LAMC2: variants seen among roughly 807,000 people sequenced by gnomAD.
The protein encoded by LAMC2 is laminin subunit gamma-2.
Under a neutral mutation model 140.2 loss-of-function variants are expected in LAMC2, and 97 were observed. The observed-to-expected ratio is 0.69, with a 90% CI of 0.59 to 0.82. The LOEUF (loss-of-function observed/expected upper bound fraction) is 0.82. Among genes scored for constraint, LAMC2 ranks in the 40% least tolerant of loss-of-function variants. The pLI, the probability that LAMC2 is intolerant of heterozygous loss-of-function variation, is 0.00. For synonymous variants in LAMC2, 513 were observed against 540.2 expected, an observed-to-expected ratio of 0.95 and a Z score of 0.70; for missense variants, 1,402 against 1,476.1, an observed-to-expected ratio of 0.95 and a Z score of 0.82.
Position 183,232,402 on chromosome 1 carries a change from C to T in LAMC2, c.2014+59C>T. Reference sequence around the variant, plus strand: ...GAATTCATAGTCCTAGAAGGAATGGCTACGTTAGGTCATAGAATCTTCTAT... The same window carrying T: ...GAATTCATAGTCCTAGAAGGAATGGTTACGTTAGGTCATAGAATCTTCTAT... On this transcript the variant is annotated intron_variant, in intron 13 of 22. Transcript: ENST00000264144. 2.5e-6 allele frequency: 4 copies of T among 1,575,128 alleles called. No homozygotes were observed. The South Asian group carries it at 3.4e-5, about 13-fold the overall frequency.
intron 13 of LAMC2, 29 bp downstream of exon 13, chr1:183,232,372 G>A (rs1231447166): frequency 6.2e-7 from 1 of 1,612,972 alleles, no homozygotes; most frequent in South Asian, 1.1e-5. Context: ...CCTTCAGACA[G>A]AAGAGAATTC....
chr1:183,246,451 T>C (rs912477611), downstream of LAMC2, among the ~76,000 whole-genome samples: 1 of 152,242 alleles, frequency 6.6e-6, no homozygotes, highest in Non-Finnish European at 1.5e-5. Flanking sequence ...TAGTGAAAGC[T>C]TTCTTGCACT....
chr1:183,206,349 T>C (rs1040635477), intron 1 of LAMC2, among the ~76,000 whole-genome samples: 1 of 152,170 alleles, frequency 6.6e-6, no homozygotes, highest in Admixed American at 6.5e-5. Context: ...GTCCATTAGA[T>C]GTACGTGGTC....
downstream of LAMC2, chr1:183,248,601 C>T (rs199940021): frequency 3.9e-5 from 6 of 152,200 alleles, no homozygotes; most frequent in Non-Finnish European, 8.8e-5. Flanking sequence ...TACAAAGAGA[C>T]CACATGAACA....
At chr1:183,237,968 A>C (rs1558098515) in intron 18 of LAMC2, among the ~76,000 whole-genome samples, 2 of 152,220 alleles carry the variant, frequency 1.3e-5, no homozygotes, top group East Asian at 3.9e-4. Context: ...AGTTCCACCC[A>C]GTCGGTCAGC....
Position 183,225,696 on chromosome 1 carries a change from A to C in LAMC2, c.1042A>C (p.Ile348Leu). 1 of 1,612,546 alleles carries C rather than the reference A, an allele frequency of 6.2e-7. No homozygotes were observed. The highest frequency in any genetic ancestry group is 8.5e-7 in the Non-Finnish European group (1 of 1,178,508). ...RLLRNLTALR[I>L]RATYGEYSTG... is the part of the protein sequence containing the mutation. ...ACTGCGGAATCTCACAGCCCTCCGC[A>C]TCCGAGCTACATATGGAGAATACAG... Residue 348 changes from isoleucine (I) to leucine (L), a missense_variant, in exon 8 of 23, where the codon ATC becomes CTC. Physicochemically the swap from Ile to Leu is conservative, Grantham distance 5 (BLOSUM62 2). Coordinates refer to ENST00000264144, the MANE Select transcript of LAMC2 (RefSeq NM_005562.3).
At chr1:183,189,064 A>G (rs767032943) in intron 1 of LAMC2, among the ~76,000 whole-genome samples, 6 of 152,246 alleles carry the variant, frequency 3.9e-5, no homozygotes, top group Non-Finnish European at 8.8e-5. Flanking sequence ...GATTACCGTA[A>G]TTCAAATGAG....
intron 1 of LAMC2, among the ~76,000 whole-genome samples, chr1:183,202,609 C>G (rs532819288): frequency 1.3e-5 from 2 of 152,246 alleles, no homozygotes; most frequent in Admixed American, 1.3e-4. Context: ...GATCATGAAG[C>G]AGACAATTAT....
At chr1:183,193,012 T>A (rs1302002197) in intron 1 of LAMC2, among the ~76,000 whole-genome samples, 1 of 152,146 alleles carries the variant, frequency 6.6e-6, no homozygotes, top group Non-Finnish European at 1.5e-5. Context: ...GCCTGAATTT[T>A]CATTGAAACT....
At chr1:183,258,345 C>A in the LAMC2 span, among the ~76,000 whole-genome samples, 4 of 152,174 alleles carry the variant, frequency 2.6e-5, no homozygotes, top group Non-Finnish European at 5.9e-5. Context: ...AGCTCACTGC[C>A]TTTCAATGCA....
At chr1:183,194,842 T>C (rs1011368982) in intron 1 of LAMC2, among the ~76,000 whole-genome samples, 7 of 152,258 alleles carry the variant, frequency 4.6e-5, no homozygotes, top group Admixed American at 3.3e-4. Flanking sequence ...GCTGGAATGC[T>C]TTTCTTTGTA....
chr1:183,242,323 A>G (rs1050738250), intron 22 of LAMC2, among the ~76,000 whole-genome samples: 1 of 152,212 alleles, frequency 6.6e-6, no homozygotes, highest in Non-Finnish European at 1.5e-5. Flanking sequence ...GTGCTCTCTT[A>G]AGTCCTGGAG....
rs77679503 is a variant in LAMC2 at position 183,236,086 on chromosome 1, A to G, written c.2456+356A>G. 6.1e-3 allele frequency among the ~76,000 whole-genome samples: 927 copies of G among 152,180 alleles called. 6 individuals carry two copies. The highest frequency in any genetic ancestry group is 0.019 in the African/African-American group (784 of 41,514). On this transcript the variant is annotated intron_variant, in intron 16 of 22. Transcript: ENST00000264144. ...CAAGAAGTGGGGAATTTGGGATTGA[A>G]TTTTTCTGACCCAACCTGTGTAAAT...
intron 3 of LAMC2, among the ~76,000 whole-genome samples, chr1:183,217,063 G>A (rs1009951039): frequency 6.6e-6 from 1 of 152,156 alleles, no homozygotes; most frequent in Non-Finnish European, 1.5e-5. Context: ...GATTGGCAAA[G>A]AAATTCCAGC....
At chr1:183,208,170 G>A in intron 2 of LAMC2, 101 bp downstream of exon 2, 1 of 1,126,174 alleles carries the variant, frequency 8.9e-7, no homozygotes, top group Non-Finnish European at 1.3e-6. Flanking sequence ...AACAACGGAG[G>A]AAAAAGAAAG....
downstream of LAMC2, among the ~76,000 whole-genome samples, chr1:183,247,562 C>T (rs181317245): frequency 6.7e-6 from 1 of 148,700 alleles, no homozygotes; most frequent in Non-Finnish European, 1.5e-5. Flanking sequence ...GAAAAAAATA[C>T]GAAGAACCCC....
chr1:183,243,348 G>A lies in LAMC2; in HGVS notation c.3530G>A (p.Arg1177Lys), dbSNP rs766475446. 1 of 1,614,194 alleles carries A rather than the reference G, an allele frequency of 6.2e-7. No individual in the cohort carries two copies. Among genetic ancestry groups the A allele is most frequent in the African/African-American group, 1.3e-5 (1 of 75,036 alleles). The change falls in exon 23 of 23, where the codon AGG becomes AAG. Residue 1177 changes from arginine to lysine, a missense_variant. Transcript: ENST00000264144. The stretch of plus-strand genomic sequence containing the variant: ...GATGTGAAGAACTTGGAGAACATTA[G>A]GGACAACCTGCCCCCAGGCTGCTAC... ...LADVKNLENIRDNLPPGCYNT... is the reference protein window; with the variant it reads ...LADVKNLENIKDNLPPGCYNT...
Position 183,228,286 on chromosome 1 carries a change from T to G in LAMC2, c.1469-88T>G. On this transcript the variant is annotated intron_variant, in intron 10 of 22. Coordinates refer to ENST00000264144, the MANE Select transcript of LAMC2 (RefSeq NM_005562.3). This position sits in a 1 kb window ranked among gnomAD's most constrained non-coding sequence, Gnocchi z 4.3. Reference sequence around the variant, plus strand: ...GGGAAGCACATTTCTCTGGCTCTTCTAGAGGGTGACTCGCAACTTTAGGCC... The same window carrying G: ...GGGAAGCACATTTCTCTGGCTCTTCGAGAGGGTGACTCGCAACTTTAGGCC... The G allele has an allele frequency of 6.4e-7, 1 of 1,563,310 alleles. No individual in the cohort carries two copies. The highest frequency in any genetic ancestry group is 2.2e-5 in the East Asian group (1 of 44,604).
At chr1:183,196,383 G>A (rs1760629) in intron 1 of LAMC2, among the ~76,000 whole-genome samples, 1 of 151,702 alleles carries the variant, frequency 6.6e-6, no homozygotes, top group Non-Finnish European at 1.5e-5. Flanking sequence ...GTGATTCACC[G>A]GCCTCAGCCT....
Sources: allele counts gnomAD v4.1 joint callset (sites outside exome capture counted in the v4.1 genomes callset), GRCh38; gene constraint gnomAD v4.1.1; non-coding constraint Gnocchi (gnomAD v3.1); transcripts MANE v1.5; gene names NCBI Gene and HGNC (gene_info 2026-07-23, HGNC 2026-07-21).